Variants in SGCD observed in about 807,000 individuals in gnomAD.
SGCD encodes the protein sarcoglycan delta, also known as delta-sarcoglycan.
In SGCD, 18 loss-of-function variants were observed where a neutral mutation model predicts 36.6. That is an observed-to-expected ratio of 0.49 (90% CI 0.34 to 0.73). The LOEUF (loss-of-function observed/expected upper bound fraction) is 0.73, where lower values mean the gene tolerates loss of function less well. Among genes scored for constraint, SGCD ranks in the 30% least tolerant of loss-of-function variants. The pLI is 0.01. For synonymous variants in SGCD, 133 were observed against 130.6 expected (o/e 1.02, Z -0.12); for missense variants, 387 against 346.7 (o/e 1.12, Z -0.92).
chr5:156,749,578 G>A lies in SGCD; in HGVS notation c.576-8003G>A, dbSNP rs148010094. ...AAAGACAGACAGCTACAAACGCAGG[G>A]GGCATCTTATTTTTTATTTTTAAAA... On this transcript the variant is annotated intron_variant, in intron 7 of 8. Coordinates refer to ENST00000337851, the MANE Select transcript of SGCD (RefSeq NM_000337.6). Among the ~76,000 whole-genome samples the A allele has an allele frequency of 3.2e-3, 483 of 152,114 alleles. 3 individuals are homozygous for A. The highest frequency in any genetic ancestry group is 0.011 in the African/African-American group (467 of 41,510).
At chr5:156,316,962 A>C (rs1281421657) in intron 3 of SGCD, among the ~76,000 whole-genome samples, 1 of 152,056 alleles carries the variant, frequency 6.6e-6, no homozygotes, top group Admixed American at 6.5e-5. Context: ...TTACTTAGGA[A>C]ATAAACTAGA....
chr5:156,042,112 C>A (rs917981905), intron 1 of SGCD, among the ~76,000 whole-genome samples: 5 of 151,962 alleles, frequency 3.3e-5, no homozygotes, highest in Non-Finnish European at 7.4e-5. Context: ...TAAAACTGCA[C>A]AAGTAGACTG....
chr5:156,353,139 G>A (rs999506778), intron 3 of SGCD, among the ~76,000 whole-genome samples: 23 of 152,206 alleles, frequency 1.5e-4, no homozygotes, highest in Non-Finnish European at 2.6e-4. Context: ...GTAAGCTCAA[G>A]GAACTGCGAC....
chr5:156,673,241 A>G (rs545784672), intron 7 of SGCD, among the ~76,000 whole-genome samples: 49 of 152,330 alleles, frequency 3.2e-4, no homozygotes, highest in African/African-American at 1.1e-3. Context: ...GCACATATTT[A>G]TCTCATGCCT....
chr5:155,784,778 A>G, the SGCD span, among the ~76,000 whole-genome samples: 13 of 152,114 alleles, frequency 8.5e-5, no homozygotes, highest in African/African-American at 3.1e-4. Flanking sequence ...TAAGGAAAAA[A>G]ATGATGAAAT....
the SGCD span, among the ~76,000 whole-genome samples, chr5:155,826,035 C>T: frequency 2.6e-5 from 4 of 152,204 alleles, no homozygotes; most frequent in African/African-American, 9.6e-5. Flanking sequence ...CAGGCGTGAG[C>T]CACCATACTC....
intron 1 of SGCD, among the ~76,000 whole-genome samples, chr5:155,949,559 T>C (rs1581007576): frequency 6.6e-6 from 1 of 152,184 alleles, no homozygotes; most frequent in East Asian, 1.9e-4. Context: ...AATTTTGTGT[T>C]CACTCTATCT....
chr5:156,152,971 A>C (rs905405224), intron 3 of SGCD, among the ~76,000 whole-genome samples: 2 of 151,688 alleles, frequency 1.3e-5, no homozygotes, highest in African/African-American at 4.9e-5. Context: ...TGGTGGGTTT[A>C]GCTTAGCAAA....
chr5:155,960,180 G>T (rs139332240), intron 1 of SGCD, among the ~76,000 whole-genome samples: 11 of 150,608 alleles, frequency 7.3e-5, no homozygotes, highest in Non-Finnish European at 1.5e-4. Context: ...CACCTCTCCC[G>T]CTCCTTTTCT....
intron 3 of SGCD, among the ~76,000 whole-genome samples, chr5:156,449,222 G>A (rs977952813): frequency 1.3e-5 from 2 of 152,018 alleles, no homozygotes; most frequent in Non-Finnish European, 2.9e-5. Flanking sequence ...CCATGAACAA[G>A]CATCTGCGAT....
At position 156,699,442 on chromosome 5, in the gene SGCD, C is replaced by T. The variant is rs142959061; in HGVS notation, c.575+51906C>T. Among the ~76,000 whole-genome samples the T allele has an allele frequency of 1.9e-3, 296 of 152,002 alleles. 2 individuals carry two copies. The highest frequency in any genetic ancestry group is 0.018 in the South Asian group (85 of 4,804). ...TTCCTTTACTATCAGTACCTGCATG[C>T]GGAGTTTGATGACTACAATTGTGAT... On this transcript the variant is annotated intron_variant, in intron 7 of 8. Transcript: ENST00000337851.
chr5:156,655,698 C>T (rs1477666598), intron 7 of SGCD, among the ~76,000 whole-genome samples: 2 of 152,076 alleles, frequency 1.3e-5, no homozygotes, highest in African/African-American at 4.8e-5. Flanking sequence ...TGAAATTATA[C>T]CAGGCACTGT....
chr5:156,749,604 ATCT>A (rs1353449346), intron 7 of SGCD, among the ~76,000 whole-genome samples: 5 of 152,126 alleles, frequency 3.3e-5, no homozygotes, highest in Non-Finnish European at 7.4e-5. Context: ...ATTTTTAAAA[ATCT>A]TCTTTATCAG....
intron 1 of SGCD, among the ~76,000 whole-genome samples, chr5:156,059,526 A>G (rs1346266950): frequency 6.8e-6 from 1 of 146,486 alleles, no homozygotes; most frequent in African/African-American, 2.5e-5. Context: ...CTGTCTTCCT[A>G]GTGTGCATTG....
At chr5:156,123,755 T>TCC (rs1437187315) in intron 2 of SGCD, 1 of 152,214 alleles carries the variant, frequency 6.6e-6, no homozygotes, top group African/African-American at 2.4e-5. Context: ...TAAAGTATCT[T>TCC]TTGTTTAGTC....
chr5:156,118,281 C>G (rs1198669628), intron 2 of SGCD, among the ~76,000 whole-genome samples: 1 of 151,972 alleles, frequency 6.6e-6, no homozygotes, highest in Non-Finnish European at 1.5e-5. Flanking sequence ...GGTGTGGTGT[C>G]TGAATGTGTG....
intron 1 of SGCD, among the ~76,000 whole-genome samples, chr5:155,927,924 A>T (rs1757024479): frequency 6.6e-6 from 1 of 152,180 alleles, no homozygotes; most frequent in African/African-American, 2.4e-5. Flanking sequence ...AATAGTTTCT[A>T]ATTTTTCTAC....
intron 4 of SGCD, among the ~76,000 whole-genome samples, chr5:156,549,113 C>G (rs1466997609): frequency 6.9e-6 from 1 of 145,786 alleles, no homozygotes; most frequent in Non-Finnish European, 1.5e-5. Context: ...AAAAATCCAC[C>G]TAAATCTGAG....
upstream of SGCD, among the ~76,000 whole-genome samples, chr5:156,325,924 T>C (rs564228599): frequency 6.6e-6 from 1 of 152,244 alleles, no homozygotes; most frequent in East Asian, 1.9e-4. Context: ...GATGCTAAAC[T>C]CACGACCCCA....
Sources: gnomAD v4.1 joint callset for allele counts (sites outside exome capture counted in the v4.1 genomes callset) on GRCh38, gnomAD v4.1.1 for gene constraint, MANE v1.5 for transcripts, NCBI Gene and HGNC (gene_info 2026-07-23, HGNC 2026-07-21) for gene names.